FETUB: variants seen among roughly 807,000 people sequenced by gnomAD.
FETUB encodes fetuin B.
A neutral mutation model predicts 30.9 loss-of-function variants in FETUB; 28 were observed. That is an observed-to-expected ratio of 0.90 (90% CI 0.67 to 1.24). The LOEUF (loss-of-function observed/expected upper bound fraction) is 1.24. FETUB is among the 50% of genes most tolerant of loss of function. FETUB has a pLI of 0.00. For missense variants in FETUB, 469 were observed against 455.3 expected, an observed-to-expected ratio of 1.03 and a Z score of -0.27; for synonymous variants, 186 against 175.9, an observed-to-expected ratio of 1.06 and a Z score of -0.45.
chr3:186,637,080 G>A (rs1716797579), upstream of FETUB, among the ~76,000 whole-genome samples: 1 of 152,176 alleles, frequency 6.6e-6, no homozygotes, highest in South Asian at 2.1e-4. Context: ...CTCCTTATCT[G>A]TACAATGGGA....
chr3:186,651,071 C>G, intron 5 of FETUB, 147 bp from the exon 6 acceptor site: 1 of 601,316 alleles, frequency 1.7e-6, no homozygotes, highest in Non-Finnish European at 3.0e-6. Context: ...TAGGGGTGAT[C>G]TAGAAAGAAT....
chr3:186,645,971 C>T (rs182551155), intron 4 of FETUB, among the ~76,000 whole-genome samples: 34 of 151,990 alleles, frequency 2.2e-4, no homozygotes, highest in African/African-American at 7.0e-4. Context: ...GTGATCCGCC[C>T]GCCTCGGCCT....
chr3:186,645,650 A>G (rs1717442296), intron 4 of FETUB, among the ~76,000 whole-genome samples: 1 of 152,032 alleles, frequency 6.6e-6, no homozygotes, highest in Non-Finnish European at 1.5e-5. Flanking sequence ...ATAAGCAGAA[A>G]AATCTAAAAG....
intron 3 of FETUB, among the ~76,000 whole-genome samples, chr3:186,644,540 G>A (rs887531935): frequency 2.0e-5 from 3 of 152,134 alleles, no homozygotes; most frequent in Non-Finnish European, 4.4e-5. Flanking sequence ...CAGAGTAAAT[G>A]TGTGTGAGGT....
upstream of FETUB, among the ~76,000 whole-genome samples, chr3:186,636,815 C>G (rs187778289): frequency 8.5e-5 from 13 of 152,172 alleles, no homozygotes; most frequent in African/African-American, 3.1e-4. Context: ...GAAAAGTGAA[C>G]GCTCTGTTAA....
intron 3 of FETUB, among the ~76,000 whole-genome samples, chr3:186,643,872 C>T (rs893359213): frequency 6.6e-6 from 1 of 152,176 alleles, no homozygotes; most frequent in South Asian, 2.1e-4. Flanking sequence ...ACCTCAGCTC[C>T]TCCCAAACAG....
intron 1 of FETUB, 70 bp downstream of exon 1, chr3:186,640,755 A>C (rs1361082246): frequency 1.2e-5 from 15 of 1,279,952 alleles, no homozygotes; most frequent in Non-Finnish European, 1.7e-5. Flanking sequence ...AGGGTGAGGG[A>C]ACCCAGAGAC....
chr3:186,640,714 C>A (rs1164412651), intron 1 of FETUB, 29 bp downstream of exon 1: 1 of 1,581,030 alleles, frequency 6.3e-7, no homozygotes, highest in Non-Finnish European at 8.7e-7. Context: ...CACTCTGGGG[C>A]AGGGATGTGG....
chr3:186,640,940 C>A, intron 1 of FETUB, 90 bp from the exon 2 acceptor site: 1 of 816,364 alleles, frequency 1.2e-6, no homozygotes, highest in Non-Finnish European at 2.0e-6. Flanking sequence ...TATTCTTTGG[C>A]TTTGCCATAA....
At chr3:186,644,322 C>T (rs1341304729) in intron 3 of FETUB, among the ~76,000 whole-genome samples, 1 of 152,162 alleles carries the variant, frequency 6.6e-6, no homozygotes, top group Non-Finnish European at 1.5e-5. Flanking sequence ...TCCATTCATT[C>T]TACAAGCATT....
At chr3:186,647,326 T>C (rs1717630018) in intron 5 of FETUB, among the ~76,000 whole-genome samples, 1 of 152,238 alleles carries the variant, frequency 6.6e-6, no homozygotes, top group Non-Finnish European at 1.5e-5. Context: ...TATGTTTCCA[T>C]TTCTCTCGAG....
intron 2 of FETUB, chr3:186,641,420 C>G (rs1404802361): frequency 6.8e-6 from 2 of 292,640 alleles, no homozygotes. Context: ...AGGCTCTGAA[C>G]CAGTGTTTCA....
upstream of FETUB, among the ~76,000 whole-genome samples, chr3:186,639,691 A>G (rs2108512486): frequency 6.6e-6 from 1 of 151,114 alleles, no homozygotes; most frequent in Non-Finnish European, 1.5e-5. Context: ...AAGAGTCCCA[A>G]CCAATGTGTT....
upstream of FETUB, among the ~76,000 whole-genome samples, chr3:186,636,786 G>A (rs939863607): frequency 5.3e-5 from 8 of 152,170 alleles, no homozygotes; most frequent in Non-Finnish European, 1.0e-4. Flanking sequence ...TACAGTTTTC[G>A]CCTTTACAGC....
At chr3:186,638,472 G>A (rs373383742), upstream of FETUB, among the ~76,000 whole-genome samples, 3 of 152,224 alleles carry the variant, frequency 2.0e-5, no homozygotes, top group South Asian at 2.1e-4. Flanking sequence ...CCCTCTTACC[G>A]TGCAGTGGAA....
chr3:186,652,323 G>A lies in FETUB; in HGVS notation c.841G>A (p.Val281Met). The A allele has an allele frequency of 6.2e-7, 1 of 1,604,756 alleles. No individual in the cohort carries two copies. Among genetic ancestry groups the A allele is most frequent in the Non-Finnish European group, 8.5e-7 (1 of 1,177,114 alleles). Residue 281 changes from valine to methionine, a missense_variant, in exon 7 of 7, where the codon GTG becomes ATG. By Grantham distance (21) the Val-to-Met change is conservative (BLOSUM62 1). Coordinates refer to ENST00000265029, the MANE Select transcript of FETUB (RefSeq NM_014375.3). ...CCAGAAACCTACAAACCTTCCCAAG[G>A]TGGAAGAATCCCAGCAGAAAAACAC... The part of the protein sequence containing the change: ...VNQKPTNLPK[V>M]EESQQKNTPP...
intron 5 of FETUB, among the ~76,000 whole-genome samples, chr3:186,650,824 T>C (rs1717966048): frequency 6.6e-6 from 1 of 152,184 alleles, no homozygotes; most frequent in Non-Finnish European, 1.5e-5. Flanking sequence ...TGAGAGTGGT[T>C]TTGTCTGAGA....
chr3:186,644,794 C>A lies in FETUB; in HGVS notation c.468C>A (p.Ser156Arg). The change falls in exon 4 of 7, where the codon AGC becomes AGA. Residue 156 changes from serine to arginine, a missense_variant. Transcript: ENST00000265029. The stretch of plus-strand genomic sequence containing the variant: ...ACATGACGTGCCCTGACTGCCCAAG[C>A]TCCATACCCACTGACTCTTCCAATC... The part of the protein sequence containing the change: ...KIYMTCPDCP[S>R]SIPTDSSNHQ... 2 of 1,613,556 alleles carry A rather than the reference C, an allele frequency of 1.2e-6. 1 individual carries two copies. The highest frequency in any genetic ancestry group is 2.2e-5 in the South Asian group (2 of 90,972).
At chr3:186,651,422 G>C in intron 6 of FETUB, 121 bp downstream of exon 6, 1 of 702,122 alleles carries the variant, frequency 1.4e-6, no homozygotes, top group Non-Finnish European at 2.6e-6. Flanking sequence ...CTTTGCGCAG[G>C]CTAGCCTGAG....
Sources: allele counts gnomAD v4.1 joint callset (sites outside exome capture counted in the v4.1 genomes callset), GRCh38; gene constraint gnomAD v4.1.1; transcripts MANE v1.5; gene names NCBI Gene and HGNC (gene_info 2026-07-23, HGNC 2026-07-21).